The following DPYD variants were observed in gnomAD, a reference collection of about 807,000 sequenced individuals.
DPYD encodes the protein dihydropyrimidine dehydrogenase [NADP(+)].
DPYD carries 109 observed loss-of-function variants against 116.2 expected under a neutral mutation model. The observed-to-expected ratio is 0.94, with a 90% CI of 0.80 to 1.10. The LOEUF is 1.10. DPYD is among the 50% of genes least tolerant of loss of function. DPYD has a pLI of 0.00. For missense variants in DPYD, 1,302 were observed against 1,254.5 expected (o/e 1.04, Z -0.57); for synonymous variants, 440 against 432.0 (o/e 1.02, Z -0.23).
intron 18 of DPYD, among the ~76,000 whole-genome samples, chr1:97,259,706 G>A (rs1186025248): frequency 1.3e-5 from 2 of 152,126 alleles, no homozygotes; most frequent in Non-Finnish European, 2.9e-5. Context: ...TTTGGAAGAA[G>A]CAGTGAAATA....
intron 18 of DPYD, among the ~76,000 whole-genome samples, chr1:97,247,587 A>G (rs556505858): frequency 2.6e-4 from 39 of 152,318 alleles, no homozygotes; most frequent in African/African-American, 8.9e-4. Flanking sequence ...TAATGTATCT[A>G]ATACAGAACC....
chr1:97,571,553 T>G (rs79441182), intron 11 of DPYD, among the ~76,000 whole-genome samples: 1 of 151,688 alleles, frequency 6.6e-6, no homozygotes, highest in Non-Finnish European at 1.5e-5. Flanking sequence ...AGGAGAAAAG[T>G]GGAGGGGTGG....
chr1:97,635,627 G>A (rs1260141990), intron 8 of DPYD, among the ~76,000 whole-genome samples: 4 of 152,096 alleles, frequency 2.6e-5, no homozygotes, highest in South Asian at 2.1e-4. Flanking sequence ...CAGGGAATAC[G>A]TCTGCTAAAA....
intron 11 of DPYD, among the ~76,000 whole-genome samples, chr1:97,560,326 T>C (rs980435956): frequency 9.2e-5 from 14 of 152,026 alleles, no homozygotes; most frequent in Non-Finnish European, 1.9e-4. Flanking sequence ...AAGTATTAAA[T>C]ACAAAAGAAA....
chr1:97,720,374 G>A, intron 5 of DPYD: 1 of 985,348 alleles, frequency 1.0e-6, no homozygotes, highest in Non-Finnish European at 1.2e-6. Context: ...GAATTCAAGT[G>A]AATCTTCTCC....
intron 13 of DPYD, among the ~76,000 whole-genome samples, chr1:97,461,828 T>C (rs1331835204): frequency 6.6e-6 from 1 of 152,206 alleles, no homozygotes; most frequent in Non-Finnish European, 1.5e-5. Context: ...GATCTCACAT[T>C]CAACTGAATA....
intron 11 of DPYD, among the ~76,000 whole-genome samples, chr1:97,572,891 A>G (rs1652995260): frequency 6.6e-6 from 1 of 152,050 alleles, no homozygotes; most frequent in Non-Finnish European, 1.5e-5. Flanking sequence ...AACTTCAGAC[A>G]AAAAATGTAA....
chr1:97,881,567 T>C (rs1283169789), intron 2 of DPYD, among the ~76,000 whole-genome samples: 1 of 152,054 alleles, frequency 6.6e-6, no homozygotes, highest in Admixed American at 6.6e-5. Context: ...CACTGTACCT[T>C]GGTTATTATT....
At chr1:97,229,974 A>C (rs1176159182) in intron 19 of DPYD, among the ~76,000 whole-genome samples, 1 of 152,180 alleles carries the variant, frequency 6.6e-6, no homozygotes, top group Non-Finnish European at 1.5e-5. Flanking sequence ...CAAAAAACCC[A>C]TAACCAAGCA....
intron 2 of DPYD, among the ~76,000 whole-genome samples, chr1:97,860,904 AAG>A (rs1255876006): frequency 6.6e-6 from 1 of 152,064 alleles, no homozygotes; most frequent in African/African-American, 2.4e-5. Flanking sequence ...GGACTTAAAA[AAG>A]AGATCAGGAC....
intron 20 of DPYD, among the ~76,000 whole-genome samples, chr1:97,169,341 C>G (rs1351032384): frequency 6.6e-6 from 1 of 152,016 alleles, no homozygotes; most frequent in Non-Finnish European, 1.5e-5. Flanking sequence ...TATCAGTAAT[C>G]CATAATGTAT....
rs564390344 is a variant in DPYD, at chr1:97,186,338, C to T, written c.2622+6731G>A. Among the ~76,000 whole-genome samples the T allele has an allele frequency of 1.1e-3, 166 of 152,154 alleles. 1 individual carries two copies. The highest frequency in any genetic ancestry group is 3.7e-3 in the African/African-American group (154 of 41,506). ...TTGAGCTTTTAGTGTAACCATCACA[C>T]GAGTAATGTACATTGTACCCGTTAA... is the stretch of plus-strand genomic sequence containing the variant. On this transcript the variant is annotated intron_variant, in intron 20 of 22. Coordinates refer to ENST00000370192, the MANE Select transcript of DPYD (RefSeq NM_000110.4).
intron 18 of DPYD, among the ~76,000 whole-genome samples, chr1:97,279,602 C>T (rs116121732): frequency 0.041 from 6,238 of 152,240 alleles, 165 homozygotes; most frequent in Middle Eastern, 0.11. Flanking sequence ...CCTCCGCCTC[C>T]GGAGTTCGAG....
chr1:97,541,073 T>A (rs1650418718), intron 12 of DPYD, among the ~76,000 whole-genome samples: 1 of 152,194 alleles, frequency 6.6e-6, no homozygotes, highest in Admixed American at 6.5e-5. Context: ...CTGGACTATT[T>A]CCTTCCCTTG....
chr1:97,842,789 T>A (rs1670100725), intron 2 of DPYD, among the ~76,000 whole-genome samples: 1 of 152,072 alleles, frequency 6.6e-6, no homozygotes, highest in African/African-American at 2.4e-5. Flanking sequence ...TATAAAGTTA[T>A]GAAGAGAAAA....
At chr1:97,479,979 A>C (rs1678207245) in intron 13 of DPYD, among the ~76,000 whole-genome samples, 1 of 152,164 alleles carries the variant, frequency 6.6e-6, no homozygotes, top group Non-Finnish European at 1.5e-5. Flanking sequence ...TAATCTGAGA[A>C]TTTCTGGGAA....
At chr1:97,690,276 C>A (rs539599342) in intron 7 of DPYD, among the ~76,000 whole-genome samples, 10 of 152,058 alleles carry the variant, frequency 6.6e-5, no homozygotes, top group Admixed American at 5.9e-4. Context: ...TATTTCTTGG[C>A]ACTCAGTATA....
chr1:97,613,950 C>T (rs2786504), intron 8 of DPYD, among the ~76,000 whole-genome samples: 22,804 of 151,846 alleles, frequency 0.15, 1,912 homozygotes, highest in African/African-American at 0.2. Context: ...ATCTGGCTCA[C>T]GAAGAGCCAG....
intron 14 of DPYD, among the ~76,000 whole-genome samples, chr1:97,411,416 T>G (rs1673986806): frequency 6.6e-6 from 1 of 152,068 alleles, no homozygotes; most frequent in Non-Finnish European, 1.5e-5. Context: ...CTCTATAAGA[T>G]CTTTCTGTAC....
Sources: gnomAD v4.1 joint callset for allele counts (sites outside exome capture counted in the v4.1 genomes callset) on GRCh38, gnomAD v4.1.1 for gene constraint, MANE v1.5 for transcripts, NCBI Gene and HGNC (gene_info 2026-07-23, HGNC 2026-07-21) for gene names.